The following ADGRL3 variants were observed in gnomAD, a reference collection of about 807,000 sequenced individuals.
ADGRL3 encodes the protein adhesion G protein-coupled receptor L3.
A neutral mutation model predicts 153.5 loss-of-function variants in ADGRL3; 62 were observed. The observed-to-expected ratio is 0.40, with a 90% CI of 0.33 to 0.50. ADGRL3 has a LOEUF of 0.50. ADGRL3 is among the 20% of genes least tolerant of loss of function. The pLI, the probability that ADGRL3 is intolerant of heterozygous loss-of-function variation, is 0.47. For synonymous variants in ADGRL3, 710 were observed against 672.5 expected, an observed-to-expected ratio of 1.06 and a Z score of -0.86; for missense variants, 1,641 against 1,859.4, an observed-to-expected ratio of 0.88 and a Z score of 2.16.
chr4:61,259,976 C>T (rs547793131), intron 1 of ADGRL3, among the ~76,000 whole-genome samples: 2 of 152,192 alleles, frequency 1.3e-5, no homozygotes, highest in South Asian at 4.1e-4. Flanking sequence ...CAGGGATTCC[C>T]CCCAAAACAT....
chr4:61,791,262 G>A (rs1580842446), intron 8 of ADGRL3, among the ~76,000 whole-genome samples: 1 of 152,180 alleles, frequency 6.6e-6, no homozygotes, highest in South Asian at 2.1e-4. Context: ...ATACAATGGG[G>A]TACAGGCACT....
intron 8 of ADGRL3, among the ~76,000 whole-genome samples, chr4:61,805,092 A>G (rs570886941): frequency 3.3e-4 from 50 of 151,878 alleles, no homozygotes; most frequent in African/African-American, 1.1e-3. Flanking sequence ...AGTAGCTGGG[A>G]CTACAGGTGC....
At chr4:61,269,657 G>A (rs758156791) in intron 1 of ADGRL3, among the ~76,000 whole-genome samples, 5 of 151,596 alleles carry the variant, frequency 3.3e-5, no homozygotes, top group East Asian at 1.9e-4. Flanking sequence ...TAACAAAGTC[G>A]TTTGCAGAAT....
At chr4:61,824,330 C>T (rs1353420513) in intron 9 of ADGRL3, among the ~76,000 whole-genome samples, 1 of 152,134 alleles carries the variant, frequency 6.6e-6, no homozygotes, top group African/African-American at 2.4e-5. Context: ...ACGCTTCTCT[C>T]AGAAAACGTA....
chr4:61,711,636 C>A (rs149527637), intron 6 of ADGRL3, among the ~76,000 whole-genome samples: 6 of 151,054 alleles, frequency 4.0e-5, no homozygotes, highest in Non-Finnish European at 5.9e-5. Context: ...AGCTTTGGGG[C>A]TGCCACATGA....
chr4:61,829,939 G>A (rs1269828162), intron 9 of ADGRL3, among the ~76,000 whole-genome samples: 1 of 152,068 alleles, frequency 6.6e-6, no homozygotes, highest in African/African-American at 2.4e-5. Flanking sequence ...GGCCATGGCA[G>A]GAGGATCTCT....
chr4:62,020,422 A>AGT (rs538424221), intron 21 of ADGRL3, among the ~76,000 whole-genome samples: 193 of 152,240 alleles, frequency 1.3e-3, no homozygotes, highest in African/African-American at 4.5e-3. Flanking sequence ...GCTCAATATA[A>AGT]GTAGAAAATA....
intron 4 of ADGRL3, among the ~76,000 whole-genome samples, chr4:61,585,825 A>G (rs1263060096): frequency 2.0e-5 from 3 of 152,162 alleles, no homozygotes; most frequent in African/African-American, 7.2e-5. Flanking sequence ...TCCTGTATAA[A>G]AATTAAATAT....
At chr4:61,924,141 C>T (rs1241300539) in intron 13 of ADGRL3, among the ~76,000 whole-genome samples, 4 of 152,042 alleles carry the variant, frequency 2.6e-5, no homozygotes, top group African/African-American at 4.8e-5. Context: ...AACCAATGGT[C>T]GGTAGTCAAT....
chr4:61,754,932 C>A (rs2096804367), intron 8 of ADGRL3, among the ~76,000 whole-genome samples: 1 of 152,180 alleles, frequency 6.6e-6, no homozygotes, highest in Admixed American at 6.5e-5. Flanking sequence ...ATGCATGTCC[C>A]TACAAAGGAC....
intron 1 of ADGRL3, among the ~76,000 whole-genome samples, chr4:61,272,619 G>C (rs1009263653): frequency 1.3e-5 from 2 of 151,974 alleles, no homozygotes; most frequent in Admixed American, 1.3e-4. Flanking sequence ...CCTCTAGTAG[G>C]ACTCTTCAGT....
At chr4:61,591,474 C>A (rs746598874) in intron 5 of ADGRL3, among the ~76,000 whole-genome samples, 2 of 151,888 alleles carry the variant, frequency 1.3e-5, no homozygotes, top group Non-Finnish European at 2.9e-5. Context: ...TATTTTAAAG[C>A]TAAAAAATGA....
chr4:61,591,980 G>A (rs1013302199), intron 5 of ADGRL3, among the ~76,000 whole-genome samples: 1 of 151,306 alleles, frequency 6.6e-6, no homozygotes, highest in Non-Finnish European at 1.5e-5. Context: ...GGGTTGCTGA[G>A]GTGAGAGGAT....
At chr4:61,426,030 G>T (rs2097275605) in intron 2 of ADGRL3, among the ~76,000 whole-genome samples, 1 of 152,222 alleles carries the variant, frequency 6.6e-6, no homozygotes, top group Non-Finnish European at 1.5e-5. Context: ...TGCCCCACTG[G>T]GGCTGGGCCA....
chr4:61,369,722 A>G (rs935634545), intron 1 of ADGRL3, among the ~76,000 whole-genome samples: 8 of 152,186 alleles, frequency 5.3e-5, no homozygotes, highest in South Asian at 4.1e-4. Flanking sequence ...CCGGTTTGGT[A>G]TCAGAATGAT....
At chr4:61,743,649 T>G (rs2096612508) in intron 8 of ADGRL3, among the ~76,000 whole-genome samples, 1 of 152,182 alleles carries the variant, frequency 6.6e-6, no homozygotes, top group South Asian at 2.1e-4. Flanking sequence ...CTGTATTTTA[T>G]GAGAAGCCCA....
chr4:61,349,679 G>A (rs1381744511), intron 1 of ADGRL3, among the ~76,000 whole-genome samples: 1 of 152,088 alleles, frequency 6.6e-6, no homozygotes, highest in Non-Finnish European at 1.5e-5. Flanking sequence ...AAGATTAAAT[G>A]AAATAATGCT....
intron 21 of ADGRL3, among the ~76,000 whole-genome samples, chr4:62,022,700 A>G (rs184096406): frequency 1.5e-3 from 223 of 152,144 alleles, no homozygotes; most frequent in African/African-American, 5.2e-3. Context: ...CCTGTGCTCT[A>G]TAAATGGAAC....
chr4:61,641,393 C>T (rs1316830686), intron 5 of ADGRL3, among the ~76,000 whole-genome samples: 1 of 150,532 alleles, frequency 6.6e-6, no homozygotes, highest in Non-Finnish European at 1.5e-5. Context: ...CCACTAACTC[C>T]TCCTCTAGCG....
Sources: allele counts gnomAD v4.1 joint callset (sites outside exome capture counted in the v4.1 genomes callset), GRCh38; gene constraint gnomAD v4.1.1; transcripts MANE v1.5; gene names NCBI Gene and HGNC (gene_info 2026-07-23, HGNC 2026-07-21).